KIF26A: variants seen among roughly 807,000 people sequenced by gnomAD.
KIF26A encodes kinesin-like protein KIF26A.
A neutral mutation model predicts 126.0 loss-of-function variants in KIF26A; 74 were observed. That is an observed-to-expected ratio of 0.59 (90% CI 0.49 to 0.71). The LOEUF is 0.71. Ranked by LOEUF, KIF26A falls within the 30% of genes least tolerant of loss-of-function variation. The probability of loss-of-function intolerance (pLI) is 0.00; values close to 1 mark genes in which losing one functional copy is unlikely to be tolerated. For synonymous variants in KIF26A, 1,445 were observed against 1,232.7 expected (o/e 1.17, Z -3.61); for missense variants, 2,984 against 2,763.3 (o/e 1.08, Z -1.79).
At chr14:104,161,390 C>T (rs904194048) in intron 4 of KIF26A, among the ~76,000 whole-genome samples, 13 of 152,216 alleles carry the variant, frequency 8.5e-5, no homozygotes, top group Non-Finnish European at 1.6e-4. Context: ...GTGATTCCTG[C>T]ACGCGACAGA....
At chr14:104,165,765 A>G (rs1163360010) in intron 4 of KIF26A, among the ~76,000 whole-genome samples, 1 of 142,322 alleles carries the variant, frequency 7.0e-6, no homozygotes, top group East Asian at 2.1e-4. Context: ...TTCTGTATGC[A>G]TGTGTGTGAC....
chr14:104,157,956 C>T lies in KIF26A; in HGVS notation c.923+14C>T. On this transcript the variant is annotated intron_variant, in intron 4 of 14. Transcript: ENST00000423312. ...CTTCTTCATAAGGTATGTCCTGGGG[C>T]TTCCTGGGCAGCCTTGTGGGCAGGG... 6.8e-7 allele frequency: 1 copy of T among 1,481,296 alleles called. No homozygotes were observed. Among genetic ancestry groups the T allele is most frequent in the African/African-American group, 1.4e-5 (1 of 69,256 alleles). 91.8% of individuals were successfully genotyped at this position (1,481,296 alleles called of 1,614,324 possible).
intron 4 of KIF26A, among the ~76,000 whole-genome samples, chr14:104,165,879 G>A (rs1024410215): frequency 6.9e-6 from 1 of 145,688 alleles, no homozygotes; most frequent in Non-Finnish European, 1.6e-5. Context: ...TGTGCGTGTC[G>A]AGGTCCCCTG....
chr14:104,165,079 G>A (rs2037872663), intron 4 of KIF26A, among the ~76,000 whole-genome samples: 1 of 151,594 alleles, frequency 6.6e-6, no homozygotes, highest in African/African-American at 2.4e-5. Flanking sequence ...CTGTATGCAT[G>A]TGTGTGTTTC....
chr14:104,170,333 C>T (rs938828464), intron 5 of KIF26A, among the ~76,000 whole-genome samples: 1 of 152,182 alleles, frequency 6.6e-6, no homozygotes, highest in Non-Finnish European at 1.5e-5. Flanking sequence ...CTAATGGAGC[C>T]CAGGTTCTGA....
intron 4 of KIF26A, among the ~76,000 whole-genome samples, chr14:104,159,637 G>C (rs1237977602): frequency 6.6e-6 from 1 of 152,244 alleles, no homozygotes; most frequent in Admixed American, 6.5e-5. Context: ...ATCGGGCTGG[G>C]GACCCAGAGG....
Position 104,151,435 on chromosome 14 carries a change from C to T in KIF26A, c.289-580C>T, listed in dbSNP as rs1200548432. 6.6e-6 allele frequency among the ~76,000 whole-genome samples: 1 copy of T among 152,240 alleles called. No individual in the cohort carries two copies. Among genetic ancestry groups the T allele is most frequent in the African/African-American group, 2.4e-5 (1 of 41,464 alleles). ...CTGGGCTGTACCCGATCCTGCGGCT[C>T]TTGCGCCCCTTCGGTGAGCTCATGT... On this transcript the variant is annotated intron_variant, in intron 2 of 14. Transcript: ENST00000423312. This position sits in a 1 kb window ranked among gnomAD's most constrained non-coding sequence, Gnocchi z 4.9.
intron 4 of KIF26A, among the ~76,000 whole-genome samples, chr14:104,159,333 G>A (rs7160033): frequency 0.3 from 45,196 of 152,216 alleles, 6,876 homozygotes; most frequent in South Asian, 0.43. Context: ...CCCTGTGGCC[G>A]TGCTCCTTTG....
At position 104,179,658 on chromosome 14, in the gene KIF26A, C is replaced by T; in HGVS notation, c.5517C>T (p.Ala1839=). Residue 1839 remains alanine (A), a synonymous_variant, in exon 15 of 15, where the codon GCC becomes GCT. Transcript: ENST00000423312. ...CCGAGTCGGCCGAGTACCTGGCGGC[C>T]CTGGAGCGAGCCACGGCGGCCCTGG... The part of the protein sequence containing the change: ...LEPESAEYLA[A]LERATAALEQ... 1.3e-5 allele frequency: 20 copies of T among 1,547,626 alleles called. No individual in the cohort carries two copies. Among genetic ancestry groups the T allele is most frequent in the Non-Finnish European group, 1.7e-5 (20 of 1,145,696 alleles).
At chr14:104,160,090 TCCAGTCTGGAGGGA>T (rs2037819479) in intron 4 of KIF26A, among the ~76,000 whole-genome samples, 1 of 152,140 alleles carries the variant, frequency 6.6e-6, no homozygotes, top group Non-Finnish European at 1.5e-5. Flanking sequence ...TTGGGAAGTT[TCCAGTCTGGAGGGA>T]CCGAGGGGCA....
rs754837426 is a variant in KIF26A, at chr14:104,175,820, G to A, written c.3032G>A (p.Arg1011Gln). The change falls in exon 12 of 15, where the codon CGG becomes CAG. Residue 1011 changes from arginine (R) to glutamine (Q), a missense_variant. Arg to Gln is a conservative substitution (Grantham distance 43). Transcript: ENST00000423312. ...RLAAGSRCPERGLLTTTVTLQ... is the reference protein window; with the variant it reads ...RLAAGSRCPEQGLLTTTVTLQ... ...GCTGCTGGCAGTCGCTGTCCGGAGC[G>A]GGGCCTGCTCACCACCACAGTGACC... The A allele has an allele frequency of 1.0e-5, 16 of 1,538,626 alleles. No homozygotes were observed. In the East Asian group the frequency reaches 2.2e-4, roughly 21 times the overall value.
In KIF26A at chr14:104,152,083, A is replaced by G. The variant is rs1566856132; in HGVS notation, c.357A>G (p.Pro119=). The change falls in exon 3 of 15, where the codon CCA becomes CCG. Residue 119 remains proline, a synonymous_variant. Coordinates refer to ENST00000423312, the MANE Select transcript of KIF26A (RefSeq NM_015656.2). The surrounding 1 kb of genome is among the most constrained non-coding windows in gnomAD (Gnocchi z 5.9). ...PAPGALPACR[P]EAERRCDVCA... ...CTGGGGCCCTGCCAGCCTGTCGCCCAGAGGCCGAGCGCCGCTGTGACGTCT... is the reference window on the plus strand; with the variant it reads ...CTGGGGCCCTGCCAGCCTGTCGCCCGGAGGCCGAGCGCCGCTGTGACGTCT... 6.2e-7 allele frequency: 1 copy of G among 1,612,570 alleles called. No individual in the cohort carries two copies. Among genetic ancestry groups the G allele is most frequent in the Non-Finnish European group, 8.5e-7 (1 of 1,179,776 alleles).
At chr14:104,144,299 A>C (rs879635687) in intron 2 of KIF26A, among the ~76,000 whole-genome samples, 1 of 152,102 alleles carries the variant, frequency 6.6e-6, no homozygotes, top group African/African-American at 2.4e-5. Flanking sequence ...TCCGGGGTAC[A>C]AGCTTTATGT....
Position 104,176,362 on chromosome 14 carries a change from C to T in KIF26A, c.3574C>T (p.Pro1192Ser). Residue 1192 changes from proline (P) to serine (S), a missense_variant, in exon 12 of 15, where the codon CCC (proline) becomes TCC (serine). Pro to Ser is a moderately conservative substitution (Grantham distance 74). Coordinates refer to ENST00000423312, the MANE Select transcript of KIF26A (RefSeq NM_015656.2). ...AVAPSRPGRE[P>S]QAGPSRWASA... is the part of the protein sequence containing the mutation. ...GGCCCCATCCCGACCCGGCAGGGAG[C>T]CCCAGGCCGGGCCCTCGCGGTGGGC... 6.3e-7 allele frequency: 1 copy of T among 1,582,794 alleles called. No individual in the cohort carries two copies. The highest frequency in any genetic ancestry group is 8.6e-7 in the Non-Finnish European group (1 of 1,161,602).
intron 2 of KIF26A, among the ~76,000 whole-genome samples, chr14:104,142,829 T>G (rs1298969195): frequency 6.6e-6 from 1 of 152,186 alleles, no homozygotes; most frequent in Non-Finnish European, 1.5e-5. Context: ...AGGTGTTTGT[T>G]GAATGACTGA....
At position 104,152,875 on chromosome 14, in the gene KIF26A, G is replaced by A. The variant is rs1484826830; in HGVS notation, c.735+414G>A. On this transcript the variant is annotated intron_variant, in intron 3 of 14. Coordinates refer to ENST00000423312, the MANE Select transcript of KIF26A (RefSeq NM_015656.2). This position sits in a 1 kb window ranked among gnomAD's most constrained non-coding sequence, Gnocchi z 5.9. ...AGGCCTGGGGGTGTGAGGCGTCCAT[G>A]GACGTCGGGCGGGGGACCGGCAGTT... is the stretch of plus-strand genomic sequence containing the variant. Among the ~76,000 whole-genome samples the A allele has an allele frequency of 2.0e-5, 3 of 152,176 alleles. No homozygotes were observed. The East Asian group carries it at 5.8e-4, about 29-fold the overall frequency.
chr14:104,166,522 G>A lies in KIF26A; in HGVS notation c.924-337G>A, dbSNP rs368715433. Among the ~76,000 whole-genome samples, 55 of 152,226 alleles carry A rather than the reference G, an allele frequency of 3.6e-4. No individual in the cohort carries two copies. The South Asian group carries it at 4.4e-3, about 12-fold the overall frequency. On this transcript the variant is annotated intron_variant, in intron 4 of 14. Transcript: ENST00000423312. ...CTTTCACTGTCCGACCCCCGGCAGC[G>A]GCTGCAGGTGGGGGATGAGGGCACA...
Position 104,173,507 on chromosome 14 carries a change from G to A in KIF26A, c.1861G>A (p.Gly621Arg). 1 of 1,557,960 alleles carries A rather than the reference G, an allele frequency of 6.4e-7. No individual in the cohort carries two copies. The highest frequency in any genetic ancestry group is 8.7e-7 in the Non-Finnish European group (1 of 1,148,016). ...YQYRMEKCGR[G>R]GMSGGRSRLH... ...GTACCGCATGGAGAAGTGCGGCCGG[G>A]GAGGAAGTAGGTGCCACACCCGCAC... The change falls in exon 9 of 15, where the codon GGA becomes AGA. Residue 621 changes from glycine (G) to arginine (R), a missense_variant. By Grantham distance (125) the Gly-to-Arg change is moderately radical. Coordinates refer to ENST00000423312, the MANE Select transcript of KIF26A (RefSeq NM_015656.2).
At chr14:104,171,309 C>T (rs767937603) in intron 5 of KIF26A, among the ~76,000 whole-genome samples, 1 of 152,200 alleles carries the variant, frequency 6.6e-6, no homozygotes, top group Non-Finnish European at 1.5e-5. Flanking sequence ...CCTTATCTTG[C>T]AAGTGCTCCC....
Sources: allele counts gnomAD v4.1 joint callset (sites outside exome capture counted in the v4.1 genomes callset), GRCh38; gene constraint gnomAD v4.1.1; non-coding constraint Gnocchi (gnomAD v3.1); transcripts MANE v1.5; gene names NCBI Gene and HGNC (gene_info 2026-07-23, HGNC 2026-07-21).